Variants in BLOC1S6 observed in about 807,000 individuals in gnomAD.
BLOC1S6 encodes the protein biogenesis of lysosomal organelles complex 1 subunit 6, also known as biogenesis of lysosome-related organelles complex 1 subunit 6.
A neutral mutation model predicts 24.7 loss-of-function variants in BLOC1S6; 24 were observed. That is an observed-to-expected ratio of 0.97 (90% CI 0.70 to 1.37). The LOEUF is 1.37. BLOC1S6 is among the 40% of genes most tolerant of loss of function. The probability of loss-of-function intolerance (pLI) is 0.00; values close to 1 mark genes in which losing one functional copy is unlikely to be tolerated. For missense variants in BLOC1S6, 175 were observed against 196.2 expected (o/e 0.89, Z 0.64); for synonymous variants, 76 against 72.6 (o/e 1.05, Z -0.23).
intron 3 of BLOC1S6, 31 bp from the exon 4 acceptor site, chr15:45,605,397 C>G: frequency 6.6e-7 from 1 of 1,523,604 alleles, no homozygotes; most frequent in Non-Finnish European, 9.1e-7. Context: ...TCTATTTTAA[C>G]TTGACTTTTC....
chr15:45,592,742 A>G (rs1893931656), intron 2 of BLOC1S6, among the ~76,000 whole-genome samples: 1 of 152,228 alleles, frequency 6.6e-6, no homozygotes, highest in Admixed American at 6.5e-5. Flanking sequence ...TAGTAAGTAA[A>G]GATTAGAGGA....
Position 45,592,325 on chromosome 15 carries a change from T to A in BLOC1S6, c.224+49T>A, listed in dbSNP as rs370877330. On this transcript the variant is annotated intron_variant, in intron 2 of 4. Transcript: ENST00000220531. ...TACACTCATTTCCTCTGTGGCATAG[T>A]CACAATTTGTATAATTGTATACTGT... 696 of 1,596,308 alleles carry A rather than the reference T, an allele frequency of 4.4e-4. 9 individuals carry two copies. Among genetic ancestry groups the A allele is most frequent in the South Asian group, 4.2e-3 (384 of 90,724 alleles).
intron 2 of BLOC1S6, among the ~76,000 whole-genome samples, chr15:45,592,618 A>C (rs962559766): frequency 1.3e-5 from 2 of 152,158 alleles, no homozygotes; most frequent in African/African-American, 4.8e-5. Context: ...AGAGTTGAAA[A>C]ATTGCCTCCA....
At chr15:45,588,947 A>G (rs1220209573) in intron 1 of BLOC1S6, among the ~76,000 whole-genome samples, 7 of 152,168 alleles carry the variant, frequency 4.6e-5, no homozygotes, top group South Asian at 4.1e-4. Context: ...ATTGGTGCCA[A>G]TTTCTTAGGA....
intron 1 of BLOC1S6, among the ~76,000 whole-genome samples, chr15:45,590,598 G>A (rs2140902848): frequency 6.6e-6 from 1 of 152,104 alleles, no homozygotes. Flanking sequence ...AGTTGAGATG[G>A]AGTTTCACCA....
chr15:45,588,756 C>T (rs1476836100), intron 1 of BLOC1S6, among the ~76,000 whole-genome samples: 3 of 152,324 alleles, frequency 2.0e-5, no homozygotes, highest in South Asian at 2.1e-4. Context: ...ACTGGCCTTC[C>T]GGTCTTAAAG....
In BLOC1S6 at chr15:45,606,610, G is replaced by T. The variant is rs1595561145; in HGVS notation, c.*96G>T. On this transcript the variant is annotated 3_prime_UTR_variant, in exon 5 of 5. Coordinates refer to ENST00000220531, the MANE Select transcript of BLOC1S6 (RefSeq NM_012388.4). ...TTGAGGTAGTGCCTTATGCCATTAT[G>T]TCATATGTTGAAATCCTTATTCCGG... The T allele has an allele frequency of 6.5e-7, 1 of 1,540,440 alleles. No homozygotes were observed. The highest frequency in any genetic ancestry group is 9.0e-7 in the Non-Finnish European group (1 of 1,115,114).
At chr15:45,595,389 C>G (rs992476643) in intron 2 of BLOC1S6, among the ~76,000 whole-genome samples, 1 of 152,196 alleles carries the variant, frequency 6.6e-6, no homozygotes, top group Non-Finnish European at 1.5e-5. Flanking sequence ...TTTAGAAGCT[C>G]TGTGCCAGAA....
At chr15:45,588,415 A>C (rs1352389947) in intron 1 of BLOC1S6, among the ~76,000 whole-genome samples, 1 of 152,200 alleles carries the variant, frequency 6.6e-6, no homozygotes, top group East Asian at 1.9e-4. Flanking sequence ...CATGTACATA[A>C]ATGAAAACAT....
intron 1 of BLOC1S6, among the ~76,000 whole-genome samples, chr15:45,588,321 G>A (rs980637722): frequency 6.6e-6 from 1 of 152,074 alleles, no homozygotes; most frequent in African/African-American, 2.4e-5. Flanking sequence ...TTGAAACTTG[G>A]GCCCCTCTCT....
At chr15:45,591,538 T>C (rs1411782134) in intron 1 of BLOC1S6, among the ~76,000 whole-genome samples, 1 of 152,074 alleles carries the variant, frequency 6.6e-6, no homozygotes, top group Non-Finnish European at 1.5e-5. Flanking sequence ...GCTCAAGTTA[T>C]CCTCCCACCT....
intron 2 of BLOC1S6, chr15:45,597,999 A>G (rs762477509): frequency 2.6e-5 from 6 of 228,820 alleles, no homozygotes; most frequent in South Asian, 1.2e-4. Context: ...ATGATCAAGT[A>G]GGCTTCATCC....
intron 2 of BLOC1S6, among the ~76,000 whole-genome samples, chr15:45,597,308 C>A (rs1350405928): frequency 6.6e-6 from 1 of 152,014 alleles, no homozygotes; most frequent in Non-Finnish European, 1.5e-5. Context: ...GAGACCCTGT[C>A]TCTACAAAAA....
Position 45,606,670 on chromosome 15 carries a change from C to A in BLOC1S6, c.*156C>A. On this transcript the variant is annotated 3_prime_UTR_variant, in exon 5 of 5. Transcript: ENST00000220531. Reference sequence around the variant, plus strand: ...GTCTCCATGCCTTTTTTCCAAGTAGCAGACGTCATGTTGCATGGTTTTTGA... The same window carrying A: ...GTCTCCATGCCTTTTTTCCAAGTAGAAGACGTCATGTTGCATGGTTTTTGA... 2.0e-6 allele frequency: 2 copies of A among 999,702 alleles called. No homozygotes were observed. The highest frequency in any genetic ancestry group is 3.0e-6 in the Non-Finnish European group (2 of 660,904). The allele number at this position is 999,702 out of a possible 1,614,324, so 61.9% of individuals were successfully genotyped here.
At chr15:45,590,941 T>C (rs540437056) in intron 1 of BLOC1S6, among the ~76,000 whole-genome samples, 2 of 152,346 alleles carry the variant, frequency 1.3e-5, no homozygotes, top group African/African-American at 4.8e-5. Context: ...TATAAATCAG[T>C]GATTCCATCT....
intron 2 of BLOC1S6, among the ~76,000 whole-genome samples, chr15:45,594,710 A>G (rs1391541973): frequency 1.3e-5 from 2 of 151,968 alleles, no homozygotes; most frequent in South Asian, 2.1e-4. Flanking sequence ...CAGCCTCCCA[A>G]GTAGATGGGA....
chr15:45,589,828 TA>T (rs1893818312), intron 1 of BLOC1S6, among the ~76,000 whole-genome samples: 1 of 149,444 alleles, frequency 6.7e-6, no homozygotes, highest in East Asian at 1.9e-4. Flanking sequence ...AAGCAGAGGG[TA>T]AAAGAGAGAA....
intron 2 of BLOC1S6, among the ~76,000 whole-genome samples, chr15:45,595,664 T>C (rs1231932240): frequency 2.6e-5 from 4 of 152,090 alleles, no homozygotes; most frequent in Non-Finnish European, 5.9e-5. Flanking sequence ...ATATAGTCGG[T>C]TTTTTCTTTT....
rs1199220206 is a variant in BLOC1S6, at chr15:45,591,942, C to T, written c.83-193C>T. 7 of 618,590 alleles carry T rather than the reference C, an allele frequency of 1.1e-5. No individual in the cohort carries two copies. The East Asian group carries it at 1.2e-4, about 11-fold the overall frequency. The allele number at this position is 618,590 out of a possible 1,614,324, so 38.3% of individuals were successfully genotyped here. On this transcript the variant is annotated intron_variant, in intron 1 of 4. Transcript: ENST00000220531. Reference sequence around the variant, plus strand: ...TGTGGGCTCCTTTCTACCTGCTACTCCCCAACCTCCTTTTATTAGCTGTGT... The same window carrying T: ...TGTGGGCTCCTTTCTACCTGCTACTTCCCAACCTCCTTTTATTAGCTGTGT...
Sources: gnomAD v4.1 joint callset for allele counts (sites outside exome capture counted in the v4.1 genomes callset) on GRCh38, gnomAD v4.1.1 for gene constraint, MANE v1.5 for transcripts, NCBI Gene and HGNC (gene_info 2026-07-23, HGNC 2026-07-21) for gene names.